TEX14: variants seen among roughly 807,000 people sequenced by gnomAD.
TEX14 encodes the protein inactive serine/threonine-protein kinase TEX14.
In TEX14, 168 loss-of-function variants were observed where a neutral mutation model predicts 178.6. That is an observed-to-expected ratio of 0.94 (90% CI 0.83 to 1.07). The LOEUF is 1.07. Ranked by LOEUF, TEX14 falls within the 50% of genes least tolerant of loss-of-function variation. The probability of loss-of-function intolerance (pLI) is 0.00; values close to 1 mark genes in which losing one functional copy is unlikely to be tolerated. For missense variants in TEX14, 1,730 were observed against 1,753.6 expected (o/e 0.99, Z 0.24); for synonymous variants, 626 against 634.1 (o/e 0.99, Z 0.19).
In TEX14 at chr17:58,577,401, G is replaced by T; in HGVS notation, c.3294C>A (p.Pro1098=). Residue 1098 remains proline, a synonymous_variant, in exon 21 of 32, where the codon CCC becomes CCA. Transcript: ENST00000349033. ...TTCGTACAGGTTGAAATTGAGACCT[G>T]GGCAAAATCTCAGCATTCTTTCCAA... ...KILGKNAEIL[P]RSQFQPVRST... is the part of the protein sequence containing the mutation. 1 of 1,503,810 alleles carries T rather than the reference G, an allele frequency of 6.6e-7. No individual in the cohort carries two copies. Among genetic ancestry groups the T allele is most frequent in the Non-Finnish European group, 8.9e-7 (1 of 1,120,808 alleles). 93.2% of individuals were successfully genotyped at this position (1,503,810 alleles called of 1,614,324 possible). A position where few individuals can be genotyped will look rare whatever the true frequency, so the allele number is the denominator to read the frequency against.
At chr17:58,615,024 C>T (rs1181215213) in intron 8 of TEX14, among the ~76,000 whole-genome samples, 1 of 152,208 alleles carries the variant, frequency 6.6e-6, no homozygotes, top group Non-Finnish European at 1.5e-5. Flanking sequence ...CCCTCACCAC[C>T]ACTGTCCCCA....
At chr17:58,649,425 C>G (rs2046792437) in intron 2 of TEX14, among the ~76,000 whole-genome samples, 1 of 152,182 alleles carries the variant, frequency 6.6e-6, no homozygotes, top group Admixed American at 6.5e-5. Flanking sequence ...AAATGATATC[C>G]TAACAAGCCC....
At chr17:58,626,826 G>A (rs1279558752) in intron 3 of TEX14, among the ~76,000 whole-genome samples, 1 of 151,980 alleles carries the variant, frequency 6.6e-6, no homozygotes, top group African/African-American at 2.4e-5. Flanking sequence ...AGCCAAGATC[G>A]CACCACTGCA....
intron 1 of TEX14, among the ~76,000 whole-genome samples, chr17:58,690,750 C>T (rs1449010819): frequency 1.3e-5 from 2 of 152,078 alleles, no homozygotes; most frequent in African/African-American, 4.8e-5. Context: ...TTTGACCTAC[C>T]AAATGGGGTA....
chr17:58,677,316 C>T (rs973569551), intron 1 of TEX14, among the ~76,000 whole-genome samples: 3 of 152,030 alleles, frequency 2.0e-5, no homozygotes, highest in Non-Finnish European at 4.4e-5. Flanking sequence ...GGAAATCCTT[C>T]CTGAGTTTGA....
Position 58,571,977 on chromosome 17 carries a change from T to C in TEX14, c.3661A>G (p.Lys1221Glu). 1 of 1,614,144 alleles carries C rather than the reference T, an allele frequency of 6.2e-7. No homozygotes were observed. The highest frequency in any genetic ancestry group is 1.3e-5 in the African/African-American group (1 of 75,028). Residue 1221 changes from lysine to glutamate, a missense_variant, in exon 24 of 32, where the codon AAA becomes GAA. Around this residue, in one of 2 missense-constraint regions of TEX14, gnomAD observed 941 missense variants for 1,072.4 expected, o/e 0.88. Coordinates refer to ENST00000349033, the MANE Select transcript of TEX14 (RefSeq NM_031272.5). ...GAGGAAGTAAGGAGAGAATCCAGTT[T>C]CTTTGCTCTCTCTCGGACACTTATA... ...DFISVRERAK[K>E]LDSLLTSSET...
rs1174071383 is a variant in TEX14, at chr17:58,661,307, C to G, written c.-1-9305G>C. ...CTGCTGCAAATGATCTAGACGCTTA[C>G]GGGGGTTGACTTGTTTCATGGTGAG... On this transcript the variant is annotated intron_variant, in intron 1 of 31. Coordinates refer to ENST00000349033, the MANE Select transcript of TEX14 (RefSeq NM_031272.5). 4.8e-6 allele frequency: 4 copies of G among 826,768 alleles called. No individual in the cohort carries two copies. In the Admixed American group the frequency reaches 6.8e-5, roughly 14 times the overall value. The allele number at this position is 826,768 out of a possible 1,614,324, so 51.2% of individuals were successfully genotyped here.
chr17:58,668,685 ACTT>A (rs960476353), intron 1 of TEX14, among the ~76,000 whole-genome samples: 4 of 152,162 alleles, frequency 2.6e-5, no homozygotes, highest in Admixed American at 1.3e-4. Context: ...CCCAGAGAGG[ACTT>A]CTTTTTTTTA....
chr17:58,615,591 T>C (rs1363201571), intron 7 of TEX14, among the ~76,000 whole-genome samples: 1 of 151,722 alleles, frequency 6.6e-6, no homozygotes, highest in Admixed American at 6.6e-5. Context: ...CAGGTTTGTA[T>C]TCAAAAACAC....
chr17:58,617,987 C>G (rs924591330), intron 5 of TEX14, among the ~76,000 whole-genome samples: 2 of 152,228 alleles, frequency 1.3e-5, no homozygotes, highest in Non-Finnish European at 2.9e-5. Context: ...GACATTCAAG[C>G]AGCCCTGGGG....
chr17:58,673,265 G>A (rs1206423320), intron 1 of TEX14, among the ~76,000 whole-genome samples: 2 of 151,292 alleles, frequency 1.3e-5, no homozygotes, highest in East Asian at 2.0e-4. Flanking sequence ...TGGATTATAA[G>A]GTCAGGAGTT....
intron 1 of TEX14, among the ~76,000 whole-genome samples, chr17:58,686,665 C>G (rs927272687): frequency 2.6e-5 from 4 of 151,990 alleles, no homozygotes; most frequent in Non-Finnish European, 5.9e-5. Flanking sequence ...TCGTGGACAA[C>G]AAATACATAT....
intron 1 of TEX14, among the ~76,000 whole-genome samples, chr17:58,684,569 T>C (rs1448693092): frequency 6.6e-6 from 1 of 151,016 alleles, no homozygotes; most frequent in Non-Finnish European, 1.5e-5. Context: ...AGGGAGGCAG[T>C]GGTGGCAGTG....
chr17:58,689,733 T>C (rs1476704341), intron 1 of TEX14, among the ~76,000 whole-genome samples: 1 of 152,122 alleles, frequency 6.6e-6, no homozygotes, highest in East Asian at 1.9e-4. Context: ...TAGTTCCTAG[T>C]GCGTGGTTTC....
intron 2 of TEX14, among the ~76,000 whole-genome samples, chr17:58,638,395 A>G (rs1171207775): frequency 1.3e-5 from 2 of 152,218 alleles, no homozygotes; most frequent in Admixed American, 1.3e-4. Context: ...CACAATTTGC[A>G]ATTGCAAAAT....
At chr17:58,616,491 C>T (rs1166807362) in intron 6 of TEX14, among the ~76,000 whole-genome samples, 186 bp from the exon 7 acceptor site, 1 of 149,610 alleles carries the variant, frequency 6.7e-6, no homozygotes. Flanking sequence ...GAGCATATGA[C>T]ATGATCTTGG....
At position 58,565,034 on chromosome 17, in the gene TEX14, A is replaced by T. The variant is rs957852860; in HGVS notation, c.3965-66T>A. On this transcript the variant is annotated intron_variant, in intron 27 of 31. Transcript: ENST00000349033. ...AAAAATTGAGAAAGCTTGCCTTAAAATAGAGTGCAAAAATTAAGGCCAATC... is the reference window on the plus strand; with the variant it reads ...AAAAATTGAGAAAGCTTGCCTTAAATTAGAGTGCAAAAATTAAGGCCAATC... The T allele has an allele frequency of 2.9e-6, 3 of 1,043,582 alleles. No individual in the cohort carries two copies. In the African/African-American group the frequency reaches 4.9e-5, roughly 17 times the overall value. The allele number at this position is 1,043,582 out of a possible 1,614,324, so 64.6% of individuals were successfully genotyped here.
intron 21 of TEX14, among the ~76,000 whole-genome samples, chr17:58,574,750 T>C (rs551968930): frequency 6.7e-6 from 1 of 148,436 alleles, no homozygotes; most frequent in Non-Finnish European, 1.5e-5. Context: ...TTCTCTGACA[T>C]GTCTGGGCCT....
rs1401548667 is a variant in TEX14, at chr17:58,621,716, A to G, written c.488T>C (p.Leu163Pro). The G allele has an allele frequency of 2.4e-5, 39 of 1,614,058 alleles. No individual in the cohort carries two copies. The highest frequency in any genetic ancestry group is 3.1e-5 in the Non-Finnish European group (37 of 1,180,026). Residue 163 changes from leucine to proline, a missense_variant, in exon 5 of 32, where the codon CTG (leucine) becomes CCG (proline). By Grantham distance (98) the Leu-to-Pro change is moderately conservative. Around this residue, in one of 2 missense-constraint regions of TEX14, gnomAD observed 789 missense variants for 681.2 expected, o/e 1.16. Coordinates refer to ENST00000349033, the MANE Select transcript of TEX14 (RefSeq NM_031272.5). ...CCGCTGCGGGGAGTCTATCTTCTTC[A>G]GGAGGTCGTAAGAGAAGCCCTGGAT... ...AIIQGFSYDL[L>P]KKIDSPQRLV...
Sources: gnomAD v4.1 joint callset for allele counts (sites outside exome capture counted in the v4.1 genomes callset) on GRCh38, gnomAD v4.1.1 for gene constraint, gnomAD v4.1.1 regional missense constraint, MANE v1.5 for transcripts, NCBI Gene and HGNC (gene_info 2026-07-23, HGNC 2026-07-21) for gene names.